The following TRPS1 variants were observed in gnomAD, a reference collection of about 807,000 sequenced individuals.
TRPS1 encodes transcriptional repressor GATA binding 1, also known as zinc finger transcription factor Trps1.
In TRPS1, 6 loss-of-function variants were observed where a neutral mutation model predicts 101.2. That is an observed-to-expected ratio of 0.06 (90% confidence interval 0.03 to 0.12). The LOEUF is 0.12. Ranked by LOEUF, TRPS1 falls within the 10% of genes least tolerant of loss-of-function variation. TRPS1 has a pLI of 1.00. For missense variants in TRPS1, 1,363 were observed against 1,567.0 expected (o/e 0.87, Z 2.20); for synonymous variants, 578 against 589.8 (o/e 0.98, Z 0.29).
intron 5 of TRPS1, among the ~76,000 whole-genome samples, chr8:115,580,963 G>A (rs1473120729): frequency 6.6e-6 from 1 of 152,072 alleles, no homozygotes. Context: ...GTTCACTGCA[G>A]CACTATTGAC....
chr8:115,600,938 T>C (rs1351212012), intron 4 of TRPS1, among the ~76,000 whole-genome samples: 1 of 152,088 alleles, frequency 6.6e-6, no homozygotes, highest in Non-Finnish European at 1.5e-5. Flanking sequence ...GTATTATAGG[T>C]AAATACTAAA....
At chr8:115,521,209 G>C (rs1815852746) in intron 5 of TRPS1, among the ~76,000 whole-genome samples, 1 of 151,786 alleles carries the variant, frequency 6.6e-6, no homozygotes, top group African/African-American at 2.4e-5. Context: ...TGTGCACACA[G>C]CAAATAAGTT....
In TRPS1 at chr8:115,418,287, T is replaced by C; in HGVS notation, c.2823+43A>G. 4.3e-6 allele frequency: 7 copies of C among 1,613,852 alleles called. No homozygotes were observed. Among genetic ancestry groups the C allele is most frequent in the Non-Finnish European group, 5.9e-6 (7 of 1,179,794 alleles). ...ATCACACCACAGACCAGGCCAACACTGCTTTATAAAGCTTTTCCTGAAAGA... is the reference window on the plus strand; with the variant it reads ...ATCACACCACAGACCAGGCCAACACCGCTTTATAAAGCTTTTCCTGAAAGA... On this transcript the variant is annotated intron_variant, in intron 6 of 6. Coordinates refer to ENST00000395715, the MANE Select transcript of TRPS1 (RefSeq NM_014112.5). This position sits in a 1 kb window ranked among gnomAD's most constrained non-coding sequence, Gnocchi z 4.3.
intron 5 of TRPS1, among the ~76,000 whole-genome samples, chr8:115,491,652 G>GGAAGAAAGAAA (rs370776599): frequency 2.0e-5 from 3 of 151,574 alleles, no homozygotes; most frequent in Non-Finnish European, 4.4e-5. Flanking sequence ...AAGAAAGAAA[G>GGAAGAAAGAAA]GAAGAAAGAA....
intron 5 of TRPS1, among the ~76,000 whole-genome samples, chr8:115,495,797 T>C (rs543642188): frequency 1.3e-5 from 2 of 152,292 alleles, no homozygotes; most frequent in Non-Finnish European, 1.5e-5. Context: ...ACACAAGTGA[T>C]AGATTTTAAT....
chr8:115,613,558 C>A (rs1818216647), intron 3 of TRPS1, among the ~76,000 whole-genome samples: 1 of 152,218 alleles, frequency 6.6e-6, no homozygotes, highest in South Asian at 2.1e-4. Context: ...TGAAGACAGG[C>A]TTCCGTGGCC....
intron 5 of TRPS1, among the ~76,000 whole-genome samples, chr8:115,474,400 G>A (rs1262134303): frequency 4.6e-5 from 7 of 151,996 alleles, no homozygotes; most frequent in Non-Finnish European, 8.8e-5. Flanking sequence ...TGGATGGATG[G>A]ATAAAATAAA....
rs189133095 is a variant in TRPS1 at position 115,562,231 on chromosome 8, C to T, written c.2700+24770G>A. On this transcript the variant is annotated intron_variant, in intron 5 of 6. Coordinates refer to ENST00000395715, the MANE Select transcript of TRPS1 (RefSeq NM_014112.5). ...TCCTAATTCTGTAGAGCCATTTAAACGTACTTATATCAAAGAGGAAGACCA... is the reference window on the plus strand; with the variant it reads ...TCCTAATTCTGTAGAGCCATTTAAATGTACTTATATCAAAGAGGAAGACCA... Among the ~76,000 whole-genome samples the T allele has an allele frequency of 2.2e-4, 33 of 152,046 alleles. 1 individual carries two copies. In the East Asian group the frequency reaches 2.9e-3, roughly 13 times the overall value.
chr8:115,535,028 TATATATATAGC>T (rs1360077088), intron 5 of TRPS1, among the ~76,000 whole-genome samples: 5 of 148,270 alleles, frequency 3.4e-5, no homozygotes, highest in East Asian at 2.0e-4. Flanking sequence ...TATATAAGCA[TATATATATAGC>T]ATATATATAG....
chr8:115,632,213 A>C (rs956796821), intron 1 of TRPS1, among the ~76,000 whole-genome samples: 2 of 152,170 alleles, frequency 1.3e-5, no homozygotes, highest in African/African-American at 4.8e-5. Flanking sequence ...TATTAAATAT[A>C]TAATGTTTAC....
At chr8:115,613,569 T>C (rs931957620) in intron 3 of TRPS1, among the ~76,000 whole-genome samples, 3 of 152,254 alleles carry the variant, frequency 2.0e-5, no homozygotes, top group African/African-American at 7.2e-5. Context: ...TTCCGTGGCC[T>C]GTCTATCATG....
At chr8:115,473,483 G>A (rs1258775746) in intron 5 of TRPS1, among the ~76,000 whole-genome samples, 1 of 152,160 alleles carries the variant, frequency 6.6e-6, no homozygotes, top group Non-Finnish European at 1.5e-5. Context: ...TGAGATTTGA[G>A]TGAGGACACA....
At chr8:115,451,561 G>A (rs1462367212) in intron 5 of TRPS1, among the ~76,000 whole-genome samples, 1 of 152,050 alleles carries the variant, frequency 6.6e-6, no homozygotes, top group African/African-American at 2.4e-5. Flanking sequence ...AAGAGTTACT[G>A]CTTCCTGATT....
chr8:115,546,581 G>GACACACACAC (rs71287285), intron 5 of TRPS1, among the ~76,000 whole-genome samples: 29,862 of 147,690 alleles, frequency 0.2, 3,056 homozygotes, highest in East Asian at 0.33. Context: ...TGTAAAATGT[G>GACACACACAC]ACACACACAC....
At chr8:115,457,381 T>C (rs1478192272) in intron 5 of TRPS1, among the ~76,000 whole-genome samples, 2 of 152,174 alleles carry the variant, frequency 1.3e-5, no homozygotes, top group Non-Finnish European at 2.9e-5. Flanking sequence ...GTATATAGGA[T>C]TCCACTTATA....
rs769630251 is a variant in TRPS1, at chr8:115,619,549, A to C, written c.549T>G (p.Gly183=). 1.2e-6 allele frequency: 2 copies of C among 1,614,028 alleles called. No homozygotes were observed. The highest frequency in any genetic ancestry group is 2.7e-5 in the African/African-American group (2 of 74,922). The part of the protein sequence containing the change: ...ATEETGQAQS[G]QANCQGLSPV... Reference sequence around the variant, plus strand: ...GGCTCAAACCTTGACAATTGGCTTGACCACTCTGTGCTTGCCCTGTTTCCT... The same window carrying C: ...GGCTCAAACCTTGACAATTGGCTTGCCCACTCTGTGCTTGCCCTGTTTCCT... The change falls in exon 3 of 7, where the codon GGT becomes GGG. Residue 183 remains glycine (G), a synonymous_variant. Transcript: ENST00000395715.
At chr8:115,483,578 A>G in intron 5 of TRPS1, among the ~76,000 whole-genome samples, 1 of 152,226 alleles carries the variant, frequency 6.6e-6, no homozygotes, top group Admixed American at 6.5e-5. Flanking sequence ...ATCCTATGAT[A>G]AATAATCATC....
intron 4 of TRPS1, among the ~76,000 whole-genome samples, chr8:115,596,476 A>G (rs1817787066): frequency 6.6e-6 from 1 of 151,926 alleles, no homozygotes; most frequent in African/African-American, 2.4e-5. Context: ...TTCGCAAACA[A>G]ATTAAAAACT....
At chr8:115,556,651 T>C (rs889904717) in intron 5 of TRPS1, among the ~76,000 whole-genome samples, 1 of 152,190 alleles carries the variant, frequency 6.6e-6, no homozygotes, top group Non-Finnish European at 1.5e-5. Context: ...TAGTGTATCC[T>C]ACTGCTATAT....
Sources: allele counts gnomAD v4.1 joint callset (sites outside exome capture counted in the v4.1 genomes callset), GRCh38; gene constraint gnomAD v4.1.1; non-coding constraint Gnocchi (gnomAD v3.1); transcripts MANE v1.5; gene names NCBI Gene and HGNC (gene_info 2026-07-23, HGNC 2026-07-21).